TMEM233: variants seen among roughly 807,000 people sequenced by gnomAD.
TMEM233 encodes the protein transmembrane protein 233.
Under a neutral mutation model 11.2 loss-of-function variants are expected in TMEM233, and 6 were observed. The ratio of observed to expected loss-of-function variants is 0.54; its 90% CI spans 0.29 to 1.06. The LOEUF (loss-of-function observed/expected upper bound fraction) is 1.06, where lower values mean the gene tolerates loss of function less well. TMEM233 is among the 50% of genes least tolerant of loss of function. The pLI is 0.08. For missense variants in TMEM233, 127 were observed against 144.7 expected, an observed-to-expected ratio of 0.88 and a Z score of 0.63; for synonymous variants, 59 against 55.8, an observed-to-expected ratio of 1.06 and a Z score of -0.26.
chr12:119,617,663 G>A (rs1203095470), intron 1 of TMEM233, among the ~76,000 whole-genome samples: 1 of 152,006 alleles, frequency 6.6e-6, no homozygotes, highest in Non-Finnish European at 1.5e-5. Flanking sequence ...GAGAAACCCT[G>A]TCTCTACTAA....
At chr12:119,649,064 G>A in the TMEM233 span, among the ~76,000 whole-genome samples, 11 of 152,318 alleles carry the variant, frequency 7.2e-5, no homozygotes, top group South Asian at 8.3e-4. Flanking sequence ...TTGGGAGGCC[G>A]AGGTAGGAGG....
chr12:119,641,058 G>T lies in TMEM233; in HGVS notation c.*353G>T, dbSNP rs1955076241. 1.2e-5 allele frequency: 3 copies of T among 259,820 alleles called. No homozygotes were observed. The South Asian group carries it at 2.9e-4, about 25-fold the overall frequency. 16.1% of individuals were successfully genotyped at this position (259,820 alleles called of 1,614,324 possible). A position where few individuals can be genotyped will look rare whatever the true frequency, so the allele number is the denominator to read the frequency against. The stretch of plus-strand genomic sequence containing the variant: ...AAATCACATAACTTTTCACTGAGGG[G>T]ATCCAGGGGGTCTCCATATAGGGGG... On this transcript the variant is annotated 3_prime_UTR_variant, in exon 3 of 3. Transcript: ENST00000426426.
At chr12:119,635,099 A>G (rs1056413812) in intron 2 of TMEM233, among the ~76,000 whole-genome samples, 17 of 152,232 alleles carry the variant, frequency 1.1e-4, no homozygotes, top group African/African-American at 4.1e-4. Context: ...ACACAGGTGA[A>G]AGGTTTAAAT....
chr12:119,612,171 T>C (rs1162372813), intron 1 of TMEM233, among the ~76,000 whole-genome samples: 1 of 151,998 alleles, frequency 6.6e-6, no homozygotes, highest in Non-Finnish European at 1.5e-5. Flanking sequence ...TTTTTTGCAT[T>C]TTTAGTAGAG....
intron 2 of TMEM233, 114 bp from the exon 3 acceptor site, chr12:119,640,585 A>G (rs1955065980): frequency 8.5e-7 from 1 of 1,177,676 alleles, no homozygotes; most frequent in Non-Finnish European, 1.2e-6. Context: ...ACATTTCAAC[A>G]TGTGTTTAAC....
At chr12:119,623,500 G>A (rs563315542) in intron 1 of TMEM233, among the ~76,000 whole-genome samples, 4 of 150,642 alleles carry the variant, frequency 2.7e-5, no homozygotes, top group Non-Finnish European at 5.9e-5. Flanking sequence ...TTGAGGTCAG[G>A]AGTTTGACAC....
At position 119,602,267 on chromosome 12, in the gene TMEM233, A is replaced by G. The variant is rs1487635194; in HGVS notation, c.186+8233A>G. Among the ~76,000 whole-genome samples, 3 of 152,156 alleles carry G rather than the reference A, an allele frequency of 2.0e-5. No individual in the cohort carries two copies. The East Asian group carries it at 5.8e-4, about 29-fold the overall frequency. ...GGGAGAAGATCATGTGTGTCTGTGA[A>G]CTTGGAAATAACAGGTCTTGGTGCA... On this transcript the variant is annotated intron_variant, in intron 1 of 2. Coordinates refer to ENST00000426426, the MANE Select transcript of TMEM233 (RefSeq NM_001136534.3).
chr12:119,635,633 G>C (rs1389593379), intron 2 of TMEM233, among the ~76,000 whole-genome samples: 1 of 152,176 alleles, frequency 6.6e-6, no homozygotes, highest in Non-Finnish European at 1.5e-5. Context: ...CTGGGAGTTA[G>C]AGTCAGATCC....
chr12:119,618,910 G>T (rs796915226), intron 1 of TMEM233, among the ~76,000 whole-genome samples: 15 of 152,280 alleles, frequency 9.9e-5, no homozygotes, highest in African/African-American at 2.9e-4. Flanking sequence ...GAGGACATGA[G>T]ATTTGAGAGG....
In TMEM233 at chr12:119,593,783, CGGCCAGAGCCCCAG is replaced by C; in HGVS notation, c.-65_-52del. 2.0e-6 allele frequency: 3 copies of C among 1,466,442 alleles called. No homozygotes were observed. The highest frequency in any genetic ancestry group is 2.7e-6 in the Non-Finnish European group (3 of 1,094,366). 90.8% of individuals were successfully genotyped at this position (1,466,442 alleles called of 1,614,324 possible). On this transcript the variant is annotated 5_prime_UTR_variant, in exon 1 of 3. Coordinates refer to ENST00000426426, the MANE Select transcript of TMEM233 (RefSeq NM_001136534.3). The surrounding 1 kb of genome is among the most constrained non-coding windows in gnomAD (Gnocchi z 4.1). ...TTTTCAGAGCCTCGCCACAAGCCGG[CGGCCAGAGCCCCAG>C]ACCACACAGACCGTGCGCTCCTCCG...
At chr12:119,646,881 T>G (rs1328389014), downstream of TMEM233, among the ~76,000 whole-genome samples, 3 of 152,248 alleles carry the variant, frequency 2.0e-5, no homozygotes, top group African/African-American at 7.2e-5. Context: ...TCCAGGTGTT[T>G]GTATGGGGAT....
chr12:119,622,544 C>T (rs1307173847), intron 1 of TMEM233, among the ~76,000 whole-genome samples: 36 of 152,194 alleles, frequency 2.4e-4, no homozygotes, highest in Admixed American at 2.4e-3. Flanking sequence ...CAGTCTGTCA[C>T]ATCTGCCAGG....
In TMEM233 at chr12:119,629,786, G is replaced by A. The variant is rs1954841507; in HGVS notation, c.237G>A (p.Gly79=). 3.2e-6 allele frequency: 5 copies of A among 1,551,688 alleles called. No individual in the cohort carries two copies. The East Asian group carries it at 1.2e-4, about 38-fold the overall frequency. ...DGDYEGARRL[G]RNAKWVAIAS... ...ACTACGAAGGAGCCAGGCGGCTTGG[G>A]CGGAATGCTAAGTGGGTAGCCATCG... The change falls in exon 2 of 3, where the codon GGG becomes GGA. Residue 79 remains glycine, a synonymous_variant. Transcript: ENST00000426426.
Position 119,618,555 on chromosome 12 carries a change from C to T in TMEM233, c.187-11181C>T, listed in dbSNP as rs534359340. Among the ~76,000 whole-genome samples, 7 of 152,358 alleles carry T rather than the reference C, an allele frequency of 4.6e-5. No individual in the cohort carries two copies. In the South Asian group the frequency reaches 1.4e-3, roughly 32 times the overall value. Reference sequence around the variant, plus strand: ...GGAGTTGTCCAAGGCCATGGGAACACACCTCTTACATCAGTGTGACCTGGA... The same window carrying T: ...GGAGTTGTCCAAGGCCATGGGAACATACCTCTTACATCAGTGTGACCTGGA... On this transcript the variant is annotated intron_variant, in intron 1 of 2. Coordinates refer to ENST00000426426, the MANE Select transcript of TMEM233 (RefSeq NM_001136534.3).
intron 1 of TMEM233, among the ~76,000 whole-genome samples, chr12:119,598,324 G>A (rs937560942): frequency 2.6e-5 from 4 of 152,174 alleles, no homozygotes; most frequent in African/African-American, 4.8e-5. Flanking sequence ...CTCAGAAGAC[G>A]AGTTTGTGCC....
intron 1 of TMEM233, among the ~76,000 whole-genome samples, chr12:119,621,578 C>T (rs1954646004): frequency 1.3e-5 from 2 of 152,310 alleles, no homozygotes; most frequent in South Asian, 2.1e-4. Flanking sequence ...AAACTAGCCA[C>T]GTGACTATGG....
chr12:119,640,937 T>C lies in TMEM233; in HGVS notation c.*232T>C. 1 of 500,612 alleles carries C rather than the reference T, an allele frequency of 2.0e-6. No homozygotes were observed. 31.0% of individuals were successfully genotyped at this position (500,612 alleles called of 1,614,324 possible). On this transcript the variant is annotated 3_prime_UTR_variant, in exon 3 of 3. Transcript: ENST00000426426. ...AGCCAAAGTCATTGATTTGTAAAAA[T>C]GAAAAGAAAACAGAAAAAAGAAAAA...
At chr12:119,626,581 G>A (rs902217853) in intron 1 of TMEM233, among the ~76,000 whole-genome samples, 1 of 138,232 alleles carries the variant, frequency 7.2e-6, no homozygotes, top group African/African-American at 2.8e-5. Flanking sequence ...GAAGAGAAGA[G>A]AAGAGAAGAG....
chr12:119,626,628 A>G (rs567192620), intron 1 of TMEM233, among the ~76,000 whole-genome samples: 1 of 151,350 alleles, frequency 6.6e-6, no homozygotes, highest in Admixed American at 6.6e-5. Flanking sequence ...CTACACAGGT[A>G]AAATGTCCTT....
Sources: gnomAD v4.1 joint callset for allele counts (sites outside exome capture counted in the v4.1 genomes callset) on GRCh38, gnomAD v4.1.1 for gene constraint, Gnocchi (gnomAD v3.1) non-coding constraint, MANE v1.5 for transcripts, NCBI Gene and HGNC (gene_info 2026-07-23, HGNC 2026-07-21) for gene names.